EEFSEC: variants seen among roughly 807,000 people sequenced by gnomAD.
EEFSEC encodes the protein eukaryotic elongation factor, selenocysteine-tRNA specific.
In EEFSEC, 43 loss-of-function variants were observed where a neutral mutation model predicts 42.1. The observed-to-expected ratio is 1.02, with a 90% confidence interval of 0.80 to 1.32. The LOEUF (loss-of-function observed/expected upper bound fraction) is 1.32, where lower values mean the gene tolerates loss of function less well. Among genes scored for constraint, EEFSEC ranks in the 40% most tolerant of loss-of-function variants. EEFSEC has a pLI of 0.00. For synonymous variants in EEFSEC, 354 were observed against 339.1 expected (o/e 1.04, Z -0.48); for missense variants, 745 against 803.6 (o/e 0.93, Z 0.88).
At chr3:128,218,966 A>T (rs557468475) in intron 1 of EEFSEC, among the ~76,000 whole-genome samples, 1 of 152,318 alleles carries the variant, frequency 6.6e-6, no homozygotes, top group East Asian at 1.9e-4. Context: ...TGCTCTGTAC[A>T]TAATGTCCAG....
At chr3:128,393,757 C>T (rs531746851) in intron 6 of EEFSEC, among the ~76,000 whole-genome samples, 7 of 152,346 alleles carry the variant, frequency 4.6e-5, no homozygotes, top group East Asian at 3.9e-4. Flanking sequence ...GCAGAGAGCC[C>T]GAGTCCATGG....
chr3:128,405,293 G>A (rs1471130364), intron 6 of EEFSEC, among the ~76,000 whole-genome samples: 1 of 152,140 alleles, frequency 6.6e-6, no homozygotes, highest in Non-Finnish European at 1.5e-5. Flanking sequence ...TAGGATTCCA[G>A]GCATGAGCCC....
chr3:128,385,826 G>A (rs1576691183), intron 6 of EEFSEC, among the ~76,000 whole-genome samples: 1 of 152,336 alleles, frequency 6.6e-6, no homozygotes, highest in East Asian at 1.9e-4. Context: ...CCTGGGGCAC[G>A]ACACTGATAG....
chr3:128,265,984 A>G (rs546491503), intron 4 of EEFSEC, among the ~76,000 whole-genome samples: 163 of 152,338 alleles, frequency 1.1e-3, no homozygotes, highest in South Asian at 5.0e-3. Context: ...ACTATTATAA[A>G]ACCTGGCAAG....
chr3:128,358,644 C>T (rs1175767575), intron 6 of EEFSEC, among the ~76,000 whole-genome samples: 1 of 152,104 alleles, frequency 6.6e-6, no homozygotes, highest in African/African-American at 2.4e-5. Context: ...TCTGAGGGGG[C>T]CTTGGGCCCG....
intron 4 of EEFSEC, among the ~76,000 whole-genome samples, chr3:128,272,355 G>C (rs1218314712): frequency 6.6e-6 from 1 of 152,182 alleles, no homozygotes; most frequent in Non-Finnish European, 1.5e-5. Context: ...TTGGGGAAAA[G>C]CTTTTCTGCT....
intron 2 of EEFSEC, among the ~76,000 whole-genome samples, chr3:128,247,251 A>G (rs975055130): frequency 2.6e-5 from 4 of 152,358 alleles, no homozygotes; most frequent in African/African-American, 4.8e-5. Context: ...CCACAGGAGC[A>G]TAAAGAAACT....
At chr3:128,356,514 A>G (rs978716309) in intron 5 of EEFSEC, among the ~76,000 whole-genome samples, 2 of 152,206 alleles carry the variant, frequency 1.3e-5, no homozygotes, top group East Asian at 1.9e-4. Flanking sequence ...CTGTCTTTGG[A>G]GAAGATGTCA....
At chr3:128,362,978 A>C (rs2067546489) in intron 6 of EEFSEC, among the ~76,000 whole-genome samples, 1 of 152,206 alleles carries the variant, frequency 6.6e-6, no homozygotes, top group African/African-American at 2.4e-5. Flanking sequence ...CCAGATGAGA[A>C]AAAGAAAAAA....
intron 4 of EEFSEC, among the ~76,000 whole-genome samples, chr3:128,282,916 G>A (rs1408667275): frequency 1.3e-5 from 2 of 152,258 alleles, no homozygotes; most frequent in South Asian, 4.1e-4. Context: ...AGGGCTGGCC[G>A]GAAGTCAGCC....
chr3:128,290,522 T>C (rs1431247253), intron 4 of EEFSEC, among the ~76,000 whole-genome samples: 1 of 152,180 alleles, frequency 6.6e-6, no homozygotes, highest in Non-Finnish European at 1.5e-5. Context: ...TGTTCTTTTG[T>C]TTCAGCTCTT....
At chr3:128,399,352 C>T (rs545622470) in intron 6 of EEFSEC, among the ~76,000 whole-genome samples, 10 of 152,276 alleles carry the variant, frequency 6.6e-5, no homozygotes, top group African/African-American at 2.4e-4. Context: ...CCTACGCTTC[C>T]GCCCAATCAA....
chr3:128,201,259 C>A (rs1334632779), intron 1 of EEFSEC, among the ~76,000 whole-genome samples: 1 of 152,060 alleles, frequency 6.6e-6, no homozygotes, highest in Non-Finnish European at 1.5e-5. Context: ...CAACACCATG[C>A]TCTCTAATTG....
Position 128,333,057 on chromosome 3 carries a change from G to A in EEFSEC, c.787-8176G>A, listed in dbSNP as rs187921453. Among the ~76,000 whole-genome samples, 41 of 152,262 alleles carry A rather than the reference G, an allele frequency of 2.7e-4. No homozygotes were observed. The East Asian group carries it at 7.5e-3, about 28-fold the overall frequency. The stretch of plus-strand genomic sequence containing the variant: ...AGCTTATTAGTGTCAAACCTTGTGT[G>A]TTTCTTTTCCTCTCCGATTTACATT... On this transcript the variant is annotated intron_variant, in intron 4 of 6. Coordinates refer to ENST00000254730, the MANE Select transcript of EEFSEC (RefSeq NM_021937.5).
chr3:128,424,267 C>G, the EEFSEC span, among the ~76,000 whole-genome samples: 1 of 152,214 alleles, frequency 6.6e-6, no homozygotes, highest in African/African-American at 2.4e-5. Flanking sequence ...AGAAAGTAAC[C>G]TGCTTCCCAG....
At chr3:128,263,991 T>G (rs1245855984) in intron 3 of EEFSEC, among the ~76,000 whole-genome samples, 1 of 152,110 alleles carries the variant, frequency 6.6e-6, no homozygotes, top group East Asian at 1.9e-4. Context: ...CACAGCCCTA[T>G]GGGGGAGATA....
chr3:128,409,361 CGTGTGTGTGTGT>C (rs60523218), downstream of EEFSEC, among the ~76,000 whole-genome samples: 1 of 149,678 alleles, frequency 6.7e-6, no homozygotes, highest in Non-Finnish European at 1.5e-5. Context: ...GCCCCAGAGC[CGTGTGTGTGTGT>C]GTGTGTGTGT....
intron 6 of EEFSEC, among the ~76,000 whole-genome samples, chr3:128,407,635 A>G (rs550062544): frequency 6.6e-6 from 1 of 152,294 alleles, no homozygotes; most frequent in East Asian, 1.9e-4. Flanking sequence ...TGGGGCTTCC[A>G]CTGCTAAACC....
chr3:128,317,261 A>G lies in EEFSEC; in HGVS notation c.787-23972A>G, dbSNP rs2066956944. Among the ~76,000 whole-genome samples the G allele has an allele frequency of 6.6e-6, 1 of 152,150 alleles. No homozygotes were observed. Among genetic ancestry groups the G allele is most frequent in the Non-Finnish European group, 1.5e-5 (1 of 68,028 alleles). ...GTCTGTGGCTGTCTGCTGCCAGGCC[A>G]GGAGAACCCGTGGGTTTTCTTCCTT... On this transcript the variant is annotated intron_variant, in intron 4 of 6. Coordinates refer to ENST00000254730, the MANE Select transcript of EEFSEC (RefSeq NM_021937.5). This position sits in a 1 kb window ranked among gnomAD's most constrained non-coding sequence, Gnocchi z 4.1.
Sources: gnomAD v4.1 joint callset for allele counts (sites outside exome capture counted in the v4.1 genomes callset) on GRCh38, gnomAD v4.1.1 for gene constraint, Gnocchi (gnomAD v3.1) non-coding constraint, MANE v1.5 for transcripts, NCBI Gene and HGNC (gene_info 2026-07-23, HGNC 2026-07-21) for gene names.